Variants in TOMM34 observed in about 807,000 individuals in gnomAD.
The protein encoded by TOMM34 is translocase of outer mitochondrial membrane 34, also known as mitochondrial import receptor subunit TOM34.
TOMM34 carries 24 observed loss-of-function variants against 37.4 expected under a neutral mutation model. That is an observed-to-expected ratio of 0.64 (90% confidence interval 0.46 to 0.90). The LOEUF is 0.90. Among genes scored for constraint, TOMM34 ranks in the 40% least tolerant of loss-of-function variants. The probability of loss-of-function intolerance (pLI) is 0.00; values close to 1 mark genes in which losing one functional copy is unlikely to be tolerated. For missense variants in TOMM34, 304 were observed against 375.6 expected (o/e 0.81, Z 1.58); for synonymous variants, 154 against 148.9 (o/e 1.03, Z -0.25).
At chr20:44,960,023 C>G in intron 1 of TOMM34, 184 bp downstream of exon 1, 1 of 984,162 alleles carries the variant, frequency 1.0e-6, no homozygotes, top group Non-Finnish European at 1.2e-6. Flanking sequence ...TGGGGGCCAA[C>G]AGGGCAGTTA....
rs1370202188 is a variant in TOMM34 at position 44,960,276 on chromosome 20, A to T, written c.58T>A (p.Phe20Ile). The part of the protein sequence containing the change: ...EELRAAGNES[F>I]RNGQYAEASA... ...GCCTCGGCGTACTGGCCGTTGCGGA[A>T]ACTCTCATTGCCGGCGGCGCGGAGC... The change falls in exon 1 of 7, where the codon TTC (phenylalanine) becomes ATC (isoleucine). Residue 20 changes from phenylalanine (F) to isoleucine (I), a missense_variant. By Grantham distance (21) the Phe-to-Ile change is conservative. Transcript: ENST00000372813. 2 of 1,581,038 alleles carry T rather than the reference A, an allele frequency of 1.3e-6. No homozygotes were observed. Among genetic ancestry groups the T allele is most frequent in the Non-Finnish European group, 1.7e-6 (2 of 1,164,472 alleles).
rs2066941841 is a variant in TOMM34 at position 44,942,279 on chromosome 20, A to C, written c.*830T>G. 1 of 152,250 alleles carries C rather than the reference A, an allele frequency of 6.6e-6. No homozygotes were observed. The highest frequency in any genetic ancestry group is 2.4e-5 in the African/African-American group (1 of 41,456). The allele number at this position is 152,250 out of a possible 1,614,324, so 9.4% of individuals were successfully genotyped here. On this transcript the variant is annotated 3_prime_UTR_variant, in exon 7 of 7. Transcript: ENST00000372813. ...ACACACAGTTCAACAAAATCAGTCA[A>C]TTCAAATTAACTTCAACATATTACA...
chr20:44,943,958 T>C (rs1568657706), intron 5 of TOMM34, among the ~76,000 whole-genome samples: 1 of 151,656 alleles, frequency 6.6e-6, no homozygotes, highest in Non-Finnish European at 1.5e-5. Flanking sequence ...ATTAAAAAAT[T>C]ATCTACTTTA....
At chr20:44,958,010 G>A (rs1315603974) in intron 1 of TOMM34, among the ~76,000 whole-genome samples, 1 of 151,784 alleles carries the variant, frequency 6.6e-6, no homozygotes, top group Non-Finnish European at 1.5e-5. Flanking sequence ...TCCCTCCCCA[G>A]ACTCACAGAG....
At chr20:44,951,196 G>A (rs909200241) in intron 4 of TOMM34, among the ~76,000 whole-genome samples, 1 of 151,954 alleles carries the variant, frequency 6.6e-6, no homozygotes, top group South Asian at 2.1e-4. Context: ...AGTTTTTTGG[G>A]GGAAAAAAAT....
chr20:44,952,563 C>A, intron 3 of TOMM34: 1 of 716,758 alleles, frequency 1.4e-6, no homozygotes, highest in Admixed American at 2.0e-5. Context: ...CATGCTTTTT[C>A]CTCTACCCAG....
At chr20:44,953,244 A>T (rs2067042120) in intron 3 of TOMM34, among the ~76,000 whole-genome samples, 3 of 152,324 alleles carry the variant, frequency 2.0e-5, no homozygotes, top group East Asian at 1.9e-4. Context: ...CTTCTCTTCA[A>T]GCCTGACTTT....
In TOMM34 at chr20:44,958,538, G is replaced by T. The variant is rs140946360; in HGVS notation, c.127+1669C>A. On this transcript the variant is annotated intron_variant, in intron 1 of 6. Transcript: ENST00000372813. ...CATGCGTGCCCACCTACCACATGAG[G>T]ATATCACTTCATAGACTTGCTGGAA... 8 of 355,624 alleles carry T rather than the reference G, an allele frequency of 2.2e-5. No homozygotes were observed. In the East Asian group the frequency reaches 6.0e-4, roughly 27 times the overall value. 22.0% of individuals were successfully genotyped at this position (355,624 alleles called of 1,614,324 possible).
intron 1 of TOMM34, among the ~76,000 whole-genome samples, chr20:44,957,111 A>C (rs1317320015): frequency 6.6e-6 from 1 of 152,212 alleles, no homozygotes; most frequent in Non-Finnish European, 1.5e-5. Flanking sequence ...GAGAATTATT[A>C]GACATTCTTC....
chr20:44,951,955 T>G lies in TOMM34; in HGVS notation c.428A>C (p.Lys143Thr). ...AGGCACCAAGGGGATTGAGGGCAGC[T>G]TCAGGCGCCACTCAGGCCCAAGCGA... The part of the protein sequence containing the change: ...MDSLGPEWRL[K>T]LPSIPLVPVS... The change falls in exon 4 of 7, where the codon AAG becomes ACG. Residue 143 changes from lysine to threonine, a missense_variant. Physicochemically the swap from Lys to Thr is moderately conservative, Grantham distance 78. Transcript: ENST00000372813. 6.2e-7 allele frequency: 1 copy of G among 1,614,116 alleles called. No homozygotes were observed. The highest frequency in any genetic ancestry group is 8.5e-7 in the Non-Finnish European group (1 of 1,179,976).
intron 6 of TOMM34, 69 bp from the exon 7 acceptor site, chr20:44,943,282 G>A: frequency 6.2e-7 from 1 of 1,601,380 alleles, no homozygotes; most frequent in South Asian, 1.1e-5. Context: ...TGCTGAGGCA[G>A]CAAAGTGTTT....
rs753212828 is a variant in TOMM34, at chr20:44,943,104, G to A, written c.*5C>T. On this transcript the variant is annotated 3_prime_UTR_variant, in exon 7 of 7. Transcript: ENST00000372813. ...GGCAGGGGTTCCAGTTGCCCTGTTGGGTTTTTAGTGTAGGTTCTGCTTCAC... is the reference window on the plus strand; with the variant it reads ...GGCAGGGGTTCCAGTTGCCCTGTTGAGTTTTTAGTGTAGGTTCTGCTTCAC... 2.5e-6 allele frequency: 4 copies of A among 1,613,884 alleles called. No homozygotes were observed. Among genetic ancestry groups the A allele is most frequent in the Admixed American group, 3.3e-5 (2 of 60,000 alleles).
intron 5 of TOMM34, among the ~76,000 whole-genome samples, chr20:44,947,848 A>C (rs1328505345): frequency 6.6e-6 from 1 of 152,218 alleles, no homozygotes; most frequent in Non-Finnish European, 1.5e-5. Flanking sequence ...CAATGTGTCT[A>C]TATTAGATCC....
Position 44,943,599 on chromosome 20 carries a change from C to T in TOMM34, c.699-20G>A, listed in dbSNP as rs6031879. Reference sequence around the variant, plus strand: ...AGTGCTCTGAAGGGAAAGACCATTTCAGAGGTTTCAGTCACGTCTTATGGG... The same window carrying T: ...AGTGCTCTGAAGGGAAAGACCATTTTAGAGGTTTCAGTCACGTCTTATGGG... On this transcript the variant is annotated intron_variant, in intron 5 of 6. Coordinates refer to ENST00000372813, the MANE Select transcript of TOMM34 (RefSeq NM_006809.5). 1,223 of 1,613,824 alleles carry T rather than the reference C, an allele frequency of 7.6e-4. 7 individuals carry two copies. The African/African-American group carries it at 0.015, about 20-fold the overall frequency.
intron 1 of TOMM34, chr20:44,958,684 C>T (rs1164063225): frequency 1.8e-5 from 3 of 169,814 alleles, no homozygotes; most frequent in East Asian, 1.6e-4. Context: ...AACCAAACTC[C>T]GGTCCTTGCT....
intron 2 of TOMM34, chr20:44,955,423 C>A: frequency 1.4e-6 from 1 of 692,762 alleles, no homozygotes; most frequent in Non-Finnish European, 2.6e-6. Context: ...GGCAGAGAAA[C>A]ATGAATTTTG....
rs144384576 is a variant in TOMM34 at position 44,943,582 on chromosome 20, G to A, written c.699-3C>T. On this transcript the variant is annotated splice_polypyrimidine_tract_variant and splice_region_variant and intron_variant, in intron 5 of 6. Coordinates refer to ENST00000372813, the MANE Select transcript of TOMM34 (RefSeq NM_006809.5). ...TCAGGACCAAATAGCAGAGTGCTCTGAAGGGAAAGACCATTTCAGAGGTTT... is the reference window on the plus strand; with the variant it reads ...TCAGGACCAAATAGCAGAGTGCTCTAAAGGGAAAGACCATTTCAGAGGTTT... The A allele has an allele frequency of 3.6e-3, 5,805 of 1,614,150 alleles. 21 individuals carry two copies. The highest frequency in any genetic ancestry group is 5.0e-3 in the South Asian group (456 of 91,078).
chr20:44,952,115 TC>T, intron 3 of TOMM34, 113 bp from the exon 4 acceptor site: 3 of 1,304,112 alleles, frequency 2.3e-6, no homozygotes, highest in Non-Finnish European at 2.1e-6. Context: ...GCTGCCACCC[TC>T]CCCCTGGTCG....
chr20:44,943,017 G>T lies in TOMM34; in HGVS notation c.*92C>A. On this transcript the variant is annotated 3_prime_UTR_variant, in exon 7 of 7. Transcript: ENST00000372813. ...GAGGGGGCTTCAGAGCTCACTTGGGGCATGCTGGGTTTCAGGAGCGGGCAC... is the reference window on the plus strand; with the variant it reads ...GAGGGGGCTTCAGAGCTCACTTGGGTCATGCTGGGTTTCAGGAGCGGGCAC... The T allele has an allele frequency of 8.1e-7, 1 of 1,238,724 alleles. No individual in the cohort carries two copies. The highest frequency in any genetic ancestry group is 1.2e-6 in the Non-Finnish European group (1 of 847,890). The allele number at this position is 1,238,724 out of a possible 1,614,324, so 76.7% of individuals were successfully genotyped here.
Sources: allele counts gnomAD v4.1 joint callset (sites outside exome capture counted in the v4.1 genomes callset), GRCh38; gene constraint gnomAD v4.1.1; transcripts MANE v1.5; gene names NCBI Gene and HGNC (gene_info 2026-07-23, HGNC 2026-07-21).